SDHAF3: variants seen among roughly 807,000 people sequenced by gnomAD.
The protein encoded by SDHAF3 is succinate dehydrogenase complex assembly factor 3.
Under a neutral mutation model 11.5 loss-of-function variants are expected in SDHAF3, and 18 were observed. The ratio of observed to expected loss-of-function variants is 1.56; its 90% CI spans 1.08 to 2.32. The LOEUF is 2.32. Ranked by LOEUF, SDHAF3 falls within the 30% of genes most tolerant of loss-of-function variation. The probability of loss-of-function intolerance (pLI) is 0.00; values close to 1 mark genes in which losing one functional copy is unlikely to be tolerated. For missense variants in SDHAF3, 200 were observed against 154.4 expected (o/e 1.30, Z -1.57); for synonymous variants, 72 against 59.3 (o/e 1.21, Z -0.99).
At position 97,181,116 on chromosome 7, in the gene SDHAF3, T is replaced by G; in HGVS notation, c.279T>G (p.Phe93Leu). Reference protein sequence around the residue: ...TFLPEEKLNDFRDEQIGQLQE... With the variant: ...TFLPEEKLNDLRDEQIGQLQE... ...TCCCAGAAGAAAAACTTAATGACTT[T>G]CGTGATGAACAAATTGGACAGTTGC... Residue 93 changes from phenylalanine to leucine, a missense_variant, in exon 2 of 2, where the codon TTT (phenylalanine) becomes TTG (leucine). Transcript: ENST00000432641. The G allele has an allele frequency of 6.2e-7, 1 of 1,614,026 alleles. No homozygotes were observed. Among genetic ancestry groups the G allele is most frequent in the African/African-American group, 1.3e-5 (1 of 75,066 alleles).
intron 1 of SDHAF3, among the ~76,000 whole-genome samples, chr7:97,160,206 C>G (rs1366011604): frequency 7.3e-6 from 1 of 137,644 alleles, no homozygotes. Context: ...GTGAGGAGCG[C>G]CCCTGCCCGG....
chr7:97,154,930 T>C (rs1187744215), intron 1 of SDHAF3, among the ~76,000 whole-genome samples: 2 of 152,186 alleles, frequency 1.3e-5, no homozygotes, highest in Non-Finnish European at 2.9e-5. Context: ...GGTACCTTAG[T>C]AAAAAATCAA....
chr7:97,143,302 A>T (rs1207417485), intron 1 of SDHAF3, among the ~76,000 whole-genome samples: 3 of 151,184 alleles, frequency 2.0e-5, no homozygotes, highest in African/African-American at 7.3e-5. Flanking sequence ...TGATACATTA[A>T]TTTTTTTTTC....
At chr7:97,141,644 C>T (rs1295504106) in intron 1 of SDHAF3, among the ~76,000 whole-genome samples, 1 of 152,118 alleles carries the variant, frequency 6.6e-6, no homozygotes, top group Non-Finnish European at 1.5e-5. Context: ...CTAGCGCCTG[C>T]CATCACACCT....
intron 1 of SDHAF3, chr7:97,136,438 C>A: frequency 1.5e-6 from 1 of 652,920 alleles, no homozygotes; most frequent in South Asian, 1.7e-5. Flanking sequence ...ATTTCTGTTT[C>A]ATGTGAAGAA....
At chr7:97,142,493 A>C (rs969661994) in intron 1 of SDHAF3, among the ~76,000 whole-genome samples, 7 of 152,204 alleles carry the variant, frequency 4.6e-5, no homozygotes, top group African/African-American at 1.7e-4. Context: ...TAATACTGTC[A>C]ACCCATTAGG....
intron 1 of SDHAF3, among the ~76,000 whole-genome samples, chr7:97,153,782 C>T (rs1009850576): frequency 1.3e-5 from 2 of 152,076 alleles, no homozygotes; most frequent in South Asian, 4.1e-4. Context: ...TTTTAGTGAC[C>T]GTTTTACATT....
At chr7:97,134,651 TG>T (rs1244323315) in intron 1 of SDHAF3, among the ~76,000 whole-genome samples, 2 of 152,192 alleles carry the variant, frequency 1.3e-5, no homozygotes, top group African/African-American at 4.8e-5. Context: ...TTCAGTATGT[TG>T]GCCAGGCTGG....
intron 1 of SDHAF3, among the ~76,000 whole-genome samples, chr7:97,131,630 G>C (rs1056259605): frequency 6.6e-6 from 1 of 152,156 alleles, no homozygotes; most frequent in Non-Finnish European, 1.5e-5. Context: ...ATTATGAGGT[G>C]AGTTAAACTA....
intron 1 of SDHAF3, among the ~76,000 whole-genome samples, chr7:97,122,318 G>A (rs551326841): frequency 6.6e-6 from 1 of 152,272 alleles, no homozygotes; most frequent in African/African-American, 2.4e-5. Flanking sequence ...TTTGTAAATG[G>A]TGGAAATGAC....
intron 1 of SDHAF3, among the ~76,000 whole-genome samples, chr7:97,145,113 C>A (rs1298953077): frequency 6.8e-6 from 1 of 146,638 alleles, no homozygotes; most frequent in Non-Finnish European, 1.5e-5. Context: ...TCCACTTGGT[C>A]GCTATTGGTG....
chr7:97,128,025 C>T (rs1477784541), intron 1 of SDHAF3, among the ~76,000 whole-genome samples: 2 of 151,204 alleles, frequency 1.3e-5, no homozygotes, highest in African/African-American at 4.9e-5. Flanking sequence ...CTCAGCCTCC[C>T]AAGTAGCTGG....
intron 1 of SDHAF3, among the ~76,000 whole-genome samples, chr7:97,126,250 G>T (rs1300694834): frequency 6.6e-6 from 1 of 152,214 alleles, no homozygotes; most frequent in Non-Finnish European, 1.5e-5. Flanking sequence ...CTGTTGGGAG[G>T]TCTCTTCCAG....
intron 1 of SDHAF3, among the ~76,000 whole-genome samples, chr7:97,162,780 T>C (rs1789434324): frequency 1.3e-5 from 2 of 152,328 alleles, no homozygotes; most frequent in South Asian, 4.1e-4. Context: ...TCCATTCTTT[T>C]GCATTTACTG....
intron 1 of SDHAF3, among the ~76,000 whole-genome samples, chr7:97,142,505 A>G (rs139694145): frequency 3.7e-4 from 57 of 152,290 alleles, no homozygotes; most frequent in African/African-American, 1.4e-3. Context: ...CCCATTAGGC[A>G]TATGATTGTA....
intron 1 of SDHAF3, among the ~76,000 whole-genome samples, chr7:97,132,269 T>A (rs1266121714): frequency 1.3e-5 from 2 of 152,222 alleles, no homozygotes; most frequent in Non-Finnish European, 2.9e-5. Context: ...GACTTTTTCA[T>A]GTTTAATAAA....
chr7:97,143,003 G>A (rs796722641), intron 1 of SDHAF3, among the ~76,000 whole-genome samples: 225 of 147,718 alleles, frequency 1.5e-3, no homozygotes, highest in African/African-American at 5.1e-3. Flanking sequence ...GGGTTCAAGC[G>A]ATTCTCCCGC....
chr7:97,172,515 T>C (rs1789616105), intron 1 of SDHAF3, among the ~76,000 whole-genome samples: 1 of 152,218 alleles, frequency 6.6e-6, no homozygotes, highest in African/African-American at 2.4e-5. Context: ...ATTATTGGAA[T>C]CTTAAATTGT....
At chr7:97,132,572 T>C (rs973427941) in intron 1 of SDHAF3, among the ~76,000 whole-genome samples, 14 of 152,178 alleles carry the variant, frequency 9.2e-5, no homozygotes, top group Non-Finnish European at 1.5e-5. Context: ...TATTCAATGA[T>C]TTTCCACTAA....
Sources: allele counts gnomAD v4.1 joint callset (sites outside exome capture counted in the v4.1 genomes callset), GRCh38; gene constraint gnomAD v4.1.1; transcripts MANE v1.5; gene names NCBI Gene and HGNC (gene_info 2026-07-23, HGNC 2026-07-21).